The following ABCC4 variants were observed in gnomAD, a reference collection of about 807,000 sequenced individuals.
The protein encoded by ABCC4 is ATP-binding cassette sub-family C member 4.
ABCC4 carries 102 observed loss-of-function variants against 168.5 expected under a neutral mutation model. The observed-to-expected ratio is 0.61, with a 90% CI of 0.52 to 0.71. The LOEUF is 0.71. Ranked by LOEUF, ABCC4 falls within the 30% of genes least tolerant of loss-of-function variation. The pLI, the probability that ABCC4 is intolerant of heterozygous loss-of-function variation, is 0.00. For missense variants in ABCC4, 1,402 were observed against 1,605.8 expected (o/e 0.87, Z 2.17); for synonymous variants, 617 against 590.7 (o/e 1.04, Z -0.65).
chr13:95,051,589 C>T (rs2032838105), intron 27 of ABCC4, among the ~76,000 whole-genome samples: 1 of 151,788 alleles, frequency 6.6e-6, no homozygotes, highest in African/African-American at 2.4e-5. Context: ...GTTGTCCAGG[C>T]TCCACACTTC....
intron 25 of ABCC4, among the ~76,000 whole-genome samples, chr13:95,066,667 G>T (rs1373721537): frequency 1.3e-5 from 2 of 152,178 alleles, no homozygotes; most frequent in Admixed American, 6.5e-5. Context: ...AAAAATCGAG[G>T]CTTAGTAAGA....
chr13:95,218,054 AAAGT>A (rs2039174931), intron 4 of ABCC4, among the ~76,000 whole-genome samples: 1 of 152,204 alleles, frequency 6.6e-6, no homozygotes, highest in Non-Finnish European at 1.5e-5. Flanking sequence ...ATAAGCATAT[AAAGT>A]AAGTATTATC....
At chr13:95,083,088 A>G in intron 21 of ABCC4, 52 bp downstream of exon 21, 1 of 1,573,686 alleles carries the variant, frequency 6.4e-7, no homozygotes, top group Non-Finnish European at 8.6e-7. Flanking sequence ...AATTTATGGC[A>G]TAAATGGAAA....
At chr13:95,197,038 A>G (rs543789174) in intron 8 of ABCC4, among the ~76,000 whole-genome samples, 1 of 152,260 alleles carries the variant, frequency 6.6e-6, no homozygotes, top group African/African-American at 2.4e-5. Context: ...GCCCACCTCA[A>G]AGACTAATCC....
chr13:95,268,573 TC>T, intron 1 of ABCC4, among the ~76,000 whole-genome samples: 2 of 152,148 alleles, frequency 1.3e-5, no homozygotes, highest in Non-Finnish European at 2.9e-5. Flanking sequence ...AATTGTATAT[TC>T]CATCTACTGA....
At position 95,061,669 on chromosome 13, in the gene ABCC4, T is replaced by TAA. The variant is rs11339914; in HGVS notation, c.3366+1033_3366+1034dup. Among the ~76,000 whole-genome samples the TAA allele has an allele frequency of 1.8e-3, 228 of 126,654 alleles. 3 individuals are homozygous for TAA. The highest frequency in any genetic ancestry group is 0.016 in the East Asian group (68 of 4,360). 83.1% of individuals were successfully genotyped at this position (126,654 alleles called of 152,430 possible). ...GCTCCCCTCAATGACTATAGAGTGT[T>TAA]AAAAAAAAAAAAAACCCACATTAAA... is the stretch of plus-strand genomic sequence containing the variant. On this transcript the variant is annotated intron_variant, in intron 26 of 30. Transcript: ENST00000645237.
chr13:95,043,060 G>A (rs1192538781), intron 29 of ABCC4, among the ~76,000 whole-genome samples: 3 of 152,246 alleles, frequency 2.0e-5, no homozygotes, highest in Admixed American at 6.5e-5. Context: ...ATGAGCCACC[G>A]TGCCTGGCCT....
intron 21 of ABCC4, among the ~76,000 whole-genome samples, chr13:95,078,721 C>T (rs762605014): frequency 4.6e-5 from 7 of 152,146 alleles, no homozygotes; most frequent in Non-Finnish European, 7.3e-5. Flanking sequence ...GAGTTTGGCT[C>T]CCAGTAGTTC....
chr13:95,214,239 G>T (rs2039048070), intron 4 of ABCC4, among the ~76,000 whole-genome samples: 1 of 152,006 alleles, frequency 6.6e-6, no homozygotes, highest in African/African-American at 2.4e-5. Context: ...ACTGAAATCT[G>T]AAGAACAAAC....
chr13:95,115,814 T>C, intron 20 of ABCC4, 108 bp downstream of exon 20: 1 of 854,544 alleles, frequency 1.2e-6, no homozygotes, highest in South Asian at 1.6e-5. Flanking sequence ...AAGTTAACAT[T>C]ACACACAGCC....
At chr13:95,272,048 AT>A (rs34933534) in intron 1 of ABCC4, among the ~76,000 whole-genome samples, 167 of 148,280 alleles carry the variant, frequency 1.1e-3, no homozygotes, top group Non-Finnish European at 1.3e-3. Context: ...TTAAGCACAT[AT>A]TTTTTTTTTT....
intron 18 of ABCC4, chr13:95,161,902 T>C (rs980386062): frequency 6.6e-6 from 1 of 152,182 alleles, no homozygotes; most frequent in Non-Finnish European, 1.5e-5. Context: ...TTAATCTAAA[T>C]AAGCAACTAA....
chr13:95,167,263 A>C (rs1420193546), intron 14 of ABCC4, among the ~76,000 whole-genome samples: 1 of 152,180 alleles, frequency 6.6e-6, no homozygotes, highest in African/African-American at 2.4e-5. Flanking sequence ...AAAATTCGAC[A>C]TTCCATGGGA....
chr13:95,275,004 G>A (rs2040938895), intron 1 of ABCC4, among the ~76,000 whole-genome samples: 1 of 152,166 alleles, frequency 6.6e-6, no homozygotes, highest in African/African-American at 2.4e-5. Flanking sequence ...TTGAACCCGG[G>A]AGGCAGAGGT....
chr13:95,288,899 T>C (rs921301947), intron 1 of ABCC4, among the ~76,000 whole-genome samples: 5 of 152,220 alleles, frequency 3.3e-5, no homozygotes, highest in African/African-American at 1.2e-4. Flanking sequence ...TGTTTTATAG[T>C]TGAACAAATT....
At chr13:95,134,496 A>AG (rs1381475893) in intron 19 of ABCC4, among the ~76,000 whole-genome samples, 5 of 152,170 alleles carry the variant, frequency 3.3e-5, no homozygotes, top group Admixed American at 2.6e-4. Flanking sequence ...CGAGGTAGGC[A>AG]GATCAGTTGA....
chr13:95,179,697 T>A (rs1368246470), intron 11 of ABCC4, among the ~76,000 whole-genome samples: 1 of 152,176 alleles, frequency 6.6e-6, no homozygotes, highest in African/African-American at 2.4e-5. Flanking sequence ...CTGAGCTGCA[T>A]AAGCATCAAC....
chr13:95,149,800 C>A (rs1245043900), intron 19 of ABCC4, among the ~76,000 whole-genome samples: 2 of 152,150 alleles, frequency 1.3e-5, no homozygotes, highest in Admixed American at 1.3e-4. Context: ...TTTCCTCCAA[C>A]TCCCAAAATC....
At chr13:95,064,297 T>TAC (rs1260159679) in intron 25 of ABCC4, among the ~76,000 whole-genome samples, 37 of 105,304 alleles carry the variant, frequency 3.5e-4, no homozygotes, top group East Asian at 2.8e-3. Flanking sequence ...TATATATATA[T>TAC]ACACACACAC....
Sources: allele counts gnomAD v4.1 joint callset (sites outside exome capture counted in the v4.1 genomes callset), GRCh38; gene constraint gnomAD v4.1.1; transcripts MANE v1.5; gene names NCBI Gene and HGNC (gene_info 2026-07-23, HGNC 2026-07-21).